The following LRRC53 variants were observed in gnomAD, a reference collection of about 807,000 sequenced individuals.
The protein encoded by LRRC53 is leucine-rich repeat-containing protein 53.
LRRC53 carries 25 observed loss-of-function variants against 13.6 expected under a neutral mutation model. The observed-to-expected ratio is 1.83, with a 90% confidence interval of 1.34 to 2.56. The LOEUF is 2.56. LRRC53 is among the 30% of genes most tolerant of loss of function. LRRC53 has a pLI of 0.00. For missense variants in LRRC53, 527 were observed against 275.8 expected (o/e 1.91, Z -6.45); for synonymous variants, 204 against 109.8 (o/e 1.86, Z -5.37).
chr1:74,496,070 C>T (rs929608144), intron 1 of LRRC53, among the ~76,000 whole-genome samples: 4 of 152,152 alleles, frequency 2.6e-5, no homozygotes, highest in African/African-American at 7.2e-5. Flanking sequence ...AGTACCAGTG[C>T]CCAGGACCAA....
chr1:74,519,331 C>T, the LRRC53 span, among the ~76,000 whole-genome samples: 5 of 103,524 alleles, frequency 4.8e-5, no homozygotes, highest in Non-Finnish European at 7.2e-5. Context: ...TGAATAGTGC[C>T]GCAATAAACA....
intron 1 of LRRC53, among the ~76,000 whole-genome samples, chr1:74,497,676 TCCTAG>T (rs1669400043): frequency 6.6e-6 from 1 of 152,062 alleles, no homozygotes; most frequent in Non-Finnish European, 1.5e-5. Flanking sequence ...CCTCTCTGCT[TCCTAG>T]CGTTTGCAAC....
At chr1:74,511,161 T>G (rs1670196180) in intron 1 of LRRC53, among the ~76,000 whole-genome samples, 1 of 151,294 alleles carries the variant, frequency 6.6e-6, no homozygotes, top group Non-Finnish European at 1.5e-5. Flanking sequence ...CCCAAAGTGC[T>G]GGGATTACAG....
chr1:74,481,624 C>T (rs967222235), intron 2 of LRRC53, among the ~76,000 whole-genome samples: 4 of 152,190 alleles, frequency 2.6e-5, no homozygotes, highest in African/African-American at 9.6e-5. Flanking sequence ...TATCTGTTCC[C>T]TCCAATGAAG....
At chr1:74,507,455 C>A (rs1428150070) in intron 1 of LRRC53, among the ~76,000 whole-genome samples, 1 of 152,164 alleles carries the variant, frequency 6.6e-6, no homozygotes, top group Non-Finnish European at 1.5e-5. Flanking sequence ...CACGCACTTA[C>A]ACACAGAGTA....
chr1:74,520,995 T>C, the LRRC53 span, among the ~76,000 whole-genome samples: 1 of 152,158 alleles, frequency 6.6e-6, no homozygotes. Flanking sequence ...GTAGGGGTCC[T>C]ATCTGTGGGA....
In LRRC53 at chr1:74,469,799, T is replaced by G. The variant is rs1286571326; in HGVS notation, c.*79A>C. 5.0e-6 allele frequency: 2 copies of G among 398,904 alleles called. No individual in the cohort carries two copies. Among genetic ancestry groups the G allele is most frequent in the Non-Finnish European group, 8.9e-6 (2 of 225,508 alleles). The allele number at this position is 398,904 out of a possible 1,614,324, so 24.7% of individuals were successfully genotyped here. A position where few individuals can be genotyped will look rare whatever the true frequency, so the allele number is the denominator to read the frequency against. Reference sequence around the variant, plus strand: ...TCCAAAATGATCCACTTCTAATGCATGCAAAGGCTAGTGGGTGTTTGTCCT... The same window carrying G: ...TCCAAAATGATCCACTTCTAATGCAGGCAAAGGCTAGTGGGTGTTTGTCCT... On this transcript the variant is annotated 3_prime_UTR_variant, in exon 5 of 5. Transcript: ENST00000294635.
At chr1:74,477,959 T>C (rs1249465033) in intron 3 of LRRC53, among the ~76,000 whole-genome samples, 1 of 152,224 alleles carries the variant, frequency 6.6e-6, no homozygotes, top group African/African-American at 2.4e-5. Context: ...TACCAGTTCA[T>C]AGTGTAAGTG....
chr1:74,515,639 T>C (rs2100395071), upstream of LRRC53, among the ~76,000 whole-genome samples: 1 of 152,198 alleles, frequency 6.6e-6, no homozygotes, highest in South Asian at 2.1e-4. Context: ...TGACATCCGA[T>C]GTAGTCAAAC....
upstream of LRRC53, among the ~76,000 whole-genome samples, chr1:74,513,883 C>T (rs1252654598): frequency 6.6e-6 from 1 of 152,142 alleles, no homozygotes; most frequent in African/African-American, 2.4e-5. Flanking sequence ...AAGCCACAAC[C>T]GCATCTGCAA....
the LRRC53 span, among the ~76,000 whole-genome samples, chr1:74,519,128 C>T: frequency 4.4e-4 from 41 of 92,342 alleles, 4 homozygotes; most frequent in East Asian, 8.6e-3. Context: ...TGAGAATATG[C>T]GGTGTTTGGT....
intron 1 of LRRC53, among the ~76,000 whole-genome samples, chr1:74,499,798 T>C (rs1669516573): frequency 6.6e-6 from 1 of 152,138 alleles, no homozygotes. Context: ...ATTTTTGCAT[T>C]TATTTAGATG....
intron 1 of LRRC53, among the ~76,000 whole-genome samples, chr1:74,486,201 A>AAGAGACAGAGAGAGAG (rs1668751975): frequency 7.3e-6 from 1 of 136,412 alleles, no homozygotes; most frequent in Non-Finnish European, 1.6e-5. Context: ...AAATGCTATA[A>AAGAGACAGAGAGAGAG]AGAGAGAGAG....
chr1:74,483,389 A>G lies in LRRC53; in HGVS notation c.-26-14T>C. ...CCAGCCATCCACCTGAAAGGAAAGT[A>G]GAGGGCAATGTATATCATAATGTTG... On this transcript the variant is annotated splice_polypyrimidine_tract_variant and intron_variant, in intron 1 of 4. Coordinates refer to ENST00000294635, the MANE Select transcript of LRRC53 (RefSeq NM_001382280.1). 1 of 716,932 alleles carries G rather than the reference A, an allele frequency of 1.4e-6. No homozygotes were observed. Among genetic ancestry groups the G allele is most frequent in the Non-Finnish European group, 2.6e-6 (1 of 384,744 alleles). 44.4% of individuals were successfully genotyped at this position (716,932 alleles called of 1,614,324 possible). A position where few individuals can be genotyped will look rare whatever the true frequency, so the allele number is the denominator to read the frequency against.
intron 1 of LRRC53, among the ~76,000 whole-genome samples, chr1:74,487,841 T>C (rs539238861): frequency 2.6e-5 from 4 of 152,252 alleles, no homozygotes; most frequent in South Asian, 4.2e-4. Context: ...TCAAAGCTTG[T>C]TGGAGTCAGG....
At chr1:74,534,797 C>A in the LRRC53 span, among the ~76,000 whole-genome samples, 1 of 152,244 alleles carries the variant, frequency 6.6e-6, no homozygotes, top group South Asian at 2.1e-4. Flanking sequence ...TACAACCTGT[C>A]ATTCAAATCC....
chr1:74,530,669 A>G, the LRRC53 span, among the ~76,000 whole-genome samples: 6 of 152,054 alleles, frequency 3.9e-5, no homozygotes, highest in African/African-American at 1.4e-4. Context: ...AGGTGGGAAA[A>G]TGAGGAAGTG....
chr1:74,508,088 A>G (rs541303713), intron 1 of LRRC53, among the ~76,000 whole-genome samples: 1 of 152,350 alleles, frequency 6.6e-6, no homozygotes, highest in East Asian at 1.9e-4. Context: ...ACACAGACGG[A>G]GGCATTACTA....
At chr1:74,502,241 T>C (rs1669670257) in intron 1 of LRRC53, among the ~76,000 whole-genome samples, 2 of 152,190 alleles carry the variant, frequency 1.3e-5, no homozygotes, top group African/African-American at 4.8e-5. Context: ...AAAATGTCTC[T>C]CCTTTTGCTG....
Sources: allele counts gnomAD v4.1 joint callset (sites outside exome capture counted in the v4.1 genomes callset), GRCh38; gene constraint gnomAD v4.1.1; transcripts MANE v1.5; gene names NCBI Gene and HGNC (gene_info 2026-07-23, HGNC 2026-07-21).